NRXN1: variants seen among roughly 807,000 people sequenced by gnomAD.
The protein encoded by NRXN1 is neurexin 1, also known as neurexin-1.
NRXN1 carries 39 observed loss-of-function variants against 150.9 expected under a neutral mutation model. That is an observed-to-expected ratio of 0.26 (90% CI 0.20 to 0.34). The LOEUF is 0.34. Ranked by LOEUF, NRXN1 falls within the 10% of genes least tolerant of loss-of-function variation. The pLI, the probability that NRXN1 is intolerant of heterozygous loss-of-function variation, is 1.00. For synonymous variants in NRXN1, 924 were observed against 757.0 expected (o/e 1.22, Z -3.62); for missense variants, 1,815 against 1,949.9 (o/e 0.93, Z 1.30).
chr2:50,705,591 T>C (rs951057298), intron 5 of NRXN1, among the ~76,000 whole-genome samples: 18 of 152,198 alleles, frequency 1.2e-4, no homozygotes, highest in African/African-American at 3.6e-4. Flanking sequence ...TCCTGACCAA[T>C]GCAGTTGGAT....
intron 5 of NRXN1, among the ~76,000 whole-genome samples, chr2:50,682,890 C>T (rs1293302956): frequency 6.6e-6 from 1 of 152,112 alleles, no homozygotes; most frequent in African/African-American, 2.4e-5. Context: ...GGAATTATCT[C>T]AATACAGCCT....
chr2:50,503,620 A>G (rs915928607), intron 13 of NRXN1, among the ~76,000 whole-genome samples: 2 of 152,192 alleles, frequency 1.3e-5, no homozygotes, highest in Non-Finnish European at 2.9e-5. Flanking sequence ...CCTTGCTTAC[A>G]GCAGAATGCT....
intron 17 of NRXN1, among the ~76,000 whole-genome samples, chr2:50,249,787 G>A (rs752927269): frequency 9.2e-5 from 14 of 151,824 alleles, no homozygotes; most frequent in Non-Finnish European, 1.6e-4. Context: ...ATAGATACGC[G>A]CCACTATGGC....
chr2:50,653,623 T>C (rs553510645), intron 5 of NRXN1, among the ~76,000 whole-genome samples: 13 of 152,140 alleles, frequency 8.5e-5, no homozygotes, highest in South Asian at 8.3e-4. Flanking sequence ...GGCAGGAAAA[T>C]TGAATTTTTA....
chr2:50,090,344 A>C (rs1344796890), intron 19 of NRXN1, among the ~76,000 whole-genome samples: 2 of 152,120 alleles, frequency 1.3e-5, no homozygotes, highest in African/African-American at 4.8e-5. Flanking sequence ...TTTAAATATA[A>C]ATTTTGATTA....
intron 19 of NRXN1, 39 bp downstream of exon 19, chr2:50,091,284 T>A: frequency 1.2e-6 from 2 of 1,611,960 alleles, no homozygotes; most frequent in Non-Finnish European, 1.7e-6. Context: ...CAGTTTGTTT[T>A]TCATAAAATC....
At chr2:50,563,106 T>G (rs1250832287) in intron 8 of NRXN1, among the ~76,000 whole-genome samples, 2 of 152,198 alleles carry the variant, frequency 1.3e-5, no homozygotes, top group Non-Finnish European at 2.9e-5. Context: ...ACTTATAAAT[T>G]TTTTTGTCTT....
At chr2:50,545,636 A>G (rs558584179) in intron 9 of NRXN1, among the ~76,000 whole-genome samples, 1 of 152,350 alleles carries the variant, frequency 6.6e-6, no homozygotes, top group Admixed American at 6.5e-5. Flanking sequence ...ATTACCTATT[A>G]CAGGACATGA....
chr2:50,425,881 C>T (rs918797490), intron 17 of NRXN1, among the ~76,000 whole-genome samples: 31 of 152,194 alleles, frequency 2.0e-4, no homozygotes, highest in African/African-American at 7.5e-4. Context: ...TTGAACGTCA[C>T]TTCACCGGTA....
intron 9 of NRXN1, among the ~76,000 whole-genome samples, chr2:50,541,923 AAAGAGT>A (rs2093398455): frequency 6.6e-6 from 1 of 152,228 alleles, no homozygotes; most frequent in Non-Finnish European, 1.5e-5. Flanking sequence ...TTACTATCAT[AAAGAGT>A]AAGTTTCTCC....
intron 12 of NRXN1, among the ~76,000 whole-genome samples, chr2:50,511,936 A>C (rs1355682858): frequency 6.6e-6 from 1 of 152,126 alleles, no homozygotes; most frequent in Non-Finnish European, 1.5e-5. Context: ...TCATGCTATA[A>C]TTTGTAGTTA....
chr2:50,076,325 G>A (rs1292647602), intron 19 of NRXN1, among the ~76,000 whole-genome samples: 1 of 152,144 alleles, frequency 6.6e-6, no homozygotes, highest in African/African-American at 2.4e-5. Context: ...GGGGAGGTTA[G>A]TGACTATTGC....
intron 5 of NRXN1, among the ~76,000 whole-genome samples, chr2:50,707,131 G>T (rs1694550257): frequency 6.6e-6 from 1 of 152,076 alleles, no homozygotes; most frequent in Admixed American, 6.6e-5. Flanking sequence ...GTATGTATTT[G>T]CTTGGCCCAA....
At chr2:50,213,653 G>A (rs1042773120) in intron 18 of NRXN1, among the ~76,000 whole-genome samples, 4 of 151,918 alleles carry the variant, frequency 2.6e-5, no homozygotes, top group Admixed American at 2.6e-4. Flanking sequence ...AAATTTTTAG[G>A]TATTTCTAGT....
At chr2:50,599,376 T>C (rs886684111) in intron 8 of NRXN1, among the ~76,000 whole-genome samples, 9 of 152,190 alleles carry the variant, frequency 5.9e-5, no homozygotes, top group African/African-American at 2.2e-4. Context: ...CACTACTTAC[T>C]GAAGTAATAA....
In NRXN1 at chr2:50,344,231, C is replaced by G. The variant is rs112433073; in HGVS notation, c.3365-107261G>C. On this transcript the variant is annotated intron_variant, in intron 17 of 22. Transcript: ENST00000401669. ...CTCACCCCATTTCTCCATCCCCCAC[C>G]CTGAGAGGCTTATTTTTTATCCTAA... 9.9e-5 allele frequency among the ~76,000 whole-genome samples: 15 copies of G among 152,242 alleles called. 1 individual carries two copies. Among genetic ancestry groups the G allele is most frequent in the African/African-American group, 3.6e-4 (15 of 41,538 alleles).
At chr2:50,574,180 C>A (rs1671063234) in intron 8 of NRXN1, among the ~76,000 whole-genome samples, 1 of 152,114 alleles carries the variant, frequency 6.6e-6, no homozygotes. Context: ...CCCAGGAAGA[C>A]ATTAGACACC....
chr2:50,354,649 T>C (rs1022568824), intron 17 of NRXN1, among the ~76,000 whole-genome samples: 1 of 149,750 alleles, frequency 6.7e-6, no homozygotes, highest in Non-Finnish European at 1.5e-5. Flanking sequence ...CCTTGTTTTA[T>C]GGTAGGGAGA....
intron 2 of NRXN1, among the ~76,000 whole-genome samples, chr2:51,021,729 T>C (rs1402334197): frequency 6.6e-6 from 1 of 151,974 alleles, no homozygotes; most frequent in African/African-American, 2.4e-5. Context: ...TCAATAAATC[T>C]TTTTTATACT....
Sources: gnomAD v4.1 joint callset for allele counts (sites outside exome capture counted in the v4.1 genomes callset) on GRCh38, gnomAD v4.1.1 for gene constraint, MANE v1.5 for transcripts, NCBI Gene and HGNC (gene_info 2026-07-23, HGNC 2026-07-21) for gene names.